The following FERMT1 variants were observed in gnomAD, a reference collection of about 807,000 sequenced individuals.
The protein encoded by FERMT1 is FERM domain containing kindlin 1.
FERMT1 carries 60 observed loss-of-function variants against 85.3 expected under a neutral mutation model. The observed-to-expected ratio is 0.70, with a 90% CI of 0.57 to 0.87. FERMT1 has a LOEUF of 0.87. Among genes scored for constraint, FERMT1 ranks in the 40% least tolerant of loss-of-function variants. The pLI, the probability that FERMT1 is intolerant of heterozygous loss-of-function variation, is 0.00. For missense variants in FERMT1, 701 were observed against 818.9 expected (o/e 0.86, Z 1.76); for synonymous variants, 275 against 301.1 (o/e 0.91, Z 0.90).
At chr20:6,080,148 TA>T (rs201715580) in intron 13 of FERMT1, among the ~76,000 whole-genome samples, 2 of 152,134 alleles carry the variant, frequency 1.3e-5, no homozygotes, top group East Asian at 3.9e-4. Context: ...CACAGCCACT[TA>T]AAAAAATTTT....
intron 2 of FERMT1, among the ~76,000 whole-genome samples, chr20:6,119,197 C>G (rs2123157218): frequency 6.6e-6 from 1 of 152,300 alleles, no homozygotes; most frequent in East Asian, 1.9e-4. Flanking sequence ...ATCCGCACAC[C>G]TTGGCCTCCC....
rs760460402 is a variant in FERMT1, at chr20:6,110,520, C to T, written c.533-9G>A. ...GTATAAACCAGGACTTACTGCAAGG[C>T]AGGGGGATCAAGAACTATGATATGA... On this transcript the variant is annotated splice_polypyrimidine_tract_variant and intron_variant, in intron 4 of 14. Coordinates refer to ENST00000217289, the MANE Select transcript of FERMT1 (RefSeq NM_017671.5). 8 of 1,602,020 alleles carry T rather than the reference C, an allele frequency of 5.0e-6. No homozygotes were observed. Among genetic ancestry groups the T allele is most frequent in the Non-Finnish European group, 6.8e-6 (8 of 1,168,942 alleles).
chr20:6,101,209 G>T (rs967163756), intron 6 of FERMT1, among the ~76,000 whole-genome samples: 5 of 152,200 alleles, frequency 3.3e-5, no homozygotes, highest in Non-Finnish European at 7.3e-5. Context: ...GTGACATAAA[G>T]CTTTAAGCTT....
At chr20:6,086,630 G>A (rs956059366) in intron 11 of FERMT1, among the ~76,000 whole-genome samples, 3 of 152,170 alleles carry the variant, frequency 2.0e-5, no homozygotes, top group South Asian at 4.1e-4. Context: ...GGGACCTGGT[G>A]GGAAGTGATT....
At position 6,079,664 on chromosome 20, in the gene FERMT1, C is replaced by T. The variant is rs373974452; in HGVS notation, c.1719-87G>A. The T allele has an allele frequency of 6.3e-5, 78 of 1,245,968 alleles. No homozygotes were observed. The African/African-American group carries it at 8.5e-4, about 14-fold the overall frequency. The allele number at this position is 1,245,968 out of a possible 1,614,324, so 77.2% of individuals were successfully genotyped here. ...CACATATAACTTCTTAAAAATACTA[C>T]CAGTATTTCTGAATCATTTCAGAGG... On this transcript the variant is annotated intron_variant, in intron 13 of 14. Transcript: ENST00000217289.
intron 5 of FERMT1, among the ~76,000 whole-genome samples, chr20:6,108,669 GTGT>G (rs1470796309): frequency 6.6e-6 from 1 of 152,092 alleles, no homozygotes; most frequent in African/African-American, 2.4e-5. Context: ...AATTAGCCAG[GTGT>G]TGTGGCACAT....
At position 6,104,958 on chromosome 20, in the gene FERMT1, C is replaced by T. The variant is rs539354297; in HGVS notation, c.849+2574G>A. ...TTAGTTCTGAAGCAGCGGATTGAAT[C>T]GGGGGAGTCTCTTGGCAAAGAAACT... On this transcript the variant is annotated intron_variant, in intron 6 of 14. Coordinates refer to ENST00000217289, the MANE Select transcript of FERMT1 (RefSeq NM_017671.5). This position sits in a 1 kb window ranked among gnomAD's most constrained non-coding sequence, Gnocchi z 4.2. Among the ~76,000 whole-genome samples the T allele has an allele frequency of 1.0e-3, 153 of 152,160 alleles. No homozygotes were observed. The highest frequency in any genetic ancestry group is 3.1e-3 in the Admixed American group (48 of 15,280).
intron 13 of FERMT1, among the ~76,000 whole-genome samples, chr20:6,082,063 A>G (rs1368029339): frequency 6.6e-6 from 1 of 152,104 alleles, no homozygotes; most frequent in Non-Finnish European, 1.5e-5. Flanking sequence ...CATCCTACAC[A>G]CAGCATGGCT....
chr20:6,102,679 G>GAAA (rs769578429), intron 6 of FERMT1, among the ~76,000 whole-genome samples: 6,323 of 50,594 alleles, frequency 0.12, 321 homozygotes, highest in Non-Finnish European at 0.14. Context: ...TGTGTCTCAA[G>GAAA]AAAAAAAAAA....
rs141656399 is a variant in FERMT1, at chr20:6,110,369, G to T, written c.675C>A (p.Pro225=). Residue 225 remains proline (P), a synonymous_variant, in exon 5 of 15, where the codon CCC becomes CCA. Coordinates refer to ENST00000217289, the MANE Select transcript of FERMT1 (RefSeq NM_017671.5). ...NCSILAFSQP[P]QSPEALADMY... is the part of the protein sequence containing the mutation. The stretch of plus-strand genomic sequence containing the variant: ...TATCCGCAAGTGCTTCTGGGGACTG[G>T]GGGGGTTGGCTGAATGCGAGGATGC... 3.4e-4 allele frequency: 549 copies of T among 1,613,824 alleles called. 1 individual carries two copies. The highest frequency in any genetic ancestry group is 2.7e-4 in the Non-Finnish European group (317 of 1,179,946).
intron 1 of FERMT1, among the ~76,000 whole-genome samples, chr20:6,121,795 C>T (rs1207170456): frequency 6.6e-6 from 1 of 152,188 alleles, no homozygotes; most frequent in Non-Finnish European, 1.5e-5. Context: ...ACTGGGAAAC[C>T]ACTTTGATAA....
rs62200470 is a variant in FERMT1 at position 6,085,500 on chromosome 20, G to A, written c.1372-213C>T. ...TGTGTTGAGTTTCTAGATGCTGGGA[G>A]GCTAGAGGATAGGAATGTCAACTTT... On this transcript the variant is annotated intron_variant, in intron 11 of 14. Transcript: ENST00000217289. 0.12 allele frequency among the ~76,000 whole-genome samples: 17,772 copies of A among 152,182 alleles called. 1,156 individuals are homozygous for A. Among genetic ancestry groups the A allele is most frequent in the African/African-American group, 0.17 (6,940 of 41,500 alleles).
intron 1 of FERMT1, chr20:6,120,511 G>C (rs1275136188): frequency 6.6e-6 from 1 of 152,174 alleles, no homozygotes; most frequent in Non-Finnish European, 1.5e-5. Flanking sequence ...AATCCAAATT[G>C]GCAGAACTGA....
At chr20:6,099,560 A>C (rs1037254280) in intron 6 of FERMT1, among the ~76,000 whole-genome samples, 1 of 152,194 alleles carries the variant, frequency 6.6e-6, no homozygotes, top group Non-Finnish European at 1.5e-5. Flanking sequence ...TCATAAAGAC[A>C]GAAAGTAGAA....
intron 13 of FERMT1, among the ~76,000 whole-genome samples, chr20:6,082,484 G>A (rs543654409): frequency 1.3e-5 from 2 of 152,194 alleles, no homozygotes; most frequent in African/African-American, 4.8e-5. Flanking sequence ...GAGTGTGTGT[G>A]TGTCCGCACA....
At chr20:6,120,606 G>T (rs1251561226) in intron 1 of FERMT1, 1 of 152,190 alleles carries the variant, frequency 6.6e-6, no homozygotes, top group Admixed American at 6.5e-5. Flanking sequence ...AACATTTAAA[G>T]TAAAAATTAT....
In FERMT1 at chr20:6,089,085, T is replaced by C. The variant is rs757299220; in HGVS notation, c.1144A>G (p.Lys382Glu). The part of the protein sequence containing the change: ...LADNLKLFRP[K>E]KLLPKAFKQY... Reference sequence around the variant, plus strand: ...TTGAAAGCTTTTGGTAGTAACTTCTTGGGCCTGCAAATTCAAAGATAGTGA... The same window carrying C: ...TTGAAAGCTTTTGGTAGTAACTTCTCGGGCCTGCAAATTCAAAGATAGTGA... Residue 382 changes from lysine (K) to glutamate (E), a missense_variant, in exon 10 of 15, where the codon AAG (lysine) becomes GAG (glutamate). Transcript: ENST00000217289. 21 of 1,611,774 alleles carry C rather than the reference T, an allele frequency of 1.3e-5. No homozygotes were observed. The highest frequency in any genetic ancestry group is 1.8e-5 in the Non-Finnish European group (21 of 1,178,412).
chr20:6,087,810 A>G lies in FERMT1; in HGVS notation c.1338T>C (p.Asp446=). The G allele has an allele frequency of 1.2e-6, 2 of 1,609,138 alleles. No homozygotes were observed. The highest frequency in any genetic ancestry group is 1.7e-6 in the Non-Finnish European group (2 of 1,175,508). The change falls in exon 11 of 15, where the codon GAT becomes GAC. Residue 446 remains aspartate (D), a synonymous_variant. Transcript: ENST00000217289. The part of the protein sequence containing the change: ...FGIKLLIPVA[D]GMNEMYLRCD... Reference sequence around the variant, plus strand: ...ATCTCAAATACATTTCATTCATACCATCGGCAACAGGGATTAGTAACTTGA... The same window carrying G: ...ATCTCAAATACATTTCATTCATACCGTCGGCAACAGGGATTAGTAACTTGA...
In FERMT1 at chr20:6,084,151, A is replaced by T; in HGVS notation, c.1607T>A (p.Ile536Asn). The part of the protein sequence containing the change: ...RHKSKQLAAR[I>N]LEAHQNVAQM... ...GGCCACGTTCTGGTGCGCCTCCAGG[A>T]TCCGGGCGGCCAGCTGAACAGAAAC... Residue 536 changes from isoleucine to asparagine, a missense_variant, in exon 13 of 15, where the codon ATC (isoleucine) becomes AAC (asparagine). Coordinates refer to ENST00000217289, the MANE Select transcript of FERMT1 (RefSeq NM_017671.5). 6.2e-7 allele frequency: 1 copy of T among 1,612,428 alleles called. No individual in the cohort carries two copies. The highest frequency in any genetic ancestry group is 8.5e-7 in the Non-Finnish European group (1 of 1,179,264).
Sources: allele counts gnomAD v4.1 joint callset (sites outside exome capture counted in the v4.1 genomes callset), GRCh38; gene constraint gnomAD v4.1.1; non-coding constraint Gnocchi (gnomAD v3.1); transcripts MANE v1.5; gene names NCBI Gene and HGNC (gene_info 2026-07-23, HGNC 2026-07-21).